The following SARS1 variants were observed in gnomAD, a reference collection of about 807,000 sequenced individuals.
SARS1 encodes the protein seryl-tRNA synthetase 1, also known as serine--tRNA ligase, cytoplasmic.
Under a neutral mutation model 63.7 loss-of-function variants are expected in SARS1, and 25 were observed. That is an observed-to-expected ratio of 0.39 (90% CI 0.29 to 0.55). The LOEUF is 0.55. Ranked by LOEUF, SARS1 falls within the 20% of genes least tolerant of loss-of-function variation. The pLI, the probability that SARS1 is intolerant of heterozygous loss-of-function variation, is 0.62. For synonymous variants in SARS1, 231 were observed against 243.5 expected (o/e 0.95, Z 0.48); for missense variants, 417 against 649.7 (o/e 0.64, Z 3.89).
At position 109,235,103 on chromosome 1, in the gene SARS1, A is replaced by T; in HGVS notation, c.748-107A>T. On this transcript the variant is annotated intron_variant, in intron 6 of 10. Coordinates refer to ENST00000234677, the MANE Select transcript of SARS1 (RefSeq NM_006513.4). This position sits in a 1 kb window ranked among gnomAD's most constrained non-coding sequence, Gnocchi z 4.7. The stretch of plus-strand genomic sequence containing the variant: ...CTCTCCCCACTCCCAGGCAGGGATT[A>T]AAGGAAATTTTTCCTGCACTATTAT... 1.1e-6 allele frequency: 1 copy of T among 882,248 alleles called. No homozygotes were observed. Among genetic ancestry groups the T allele is most frequent in the Non-Finnish European group, 1.9e-6 (1 of 537,860 alleles). The allele number at this position is 882,248 out of a possible 1,614,324, so 54.7% of individuals were successfully genotyped here. A position where few individuals can be genotyped will look rare whatever the true frequency, so the allele number is the denominator to read the frequency against.
At chr1:109,236,757 A>T in intron 9 of SARS1, 1 of 1,554,926 alleles carries the variant, frequency 6.4e-7, no homozygotes. Flanking sequence ...CTCTTCTATA[A>T]GGTAATTCTA....
Position 109,213,936 on chromosome 1 carries a change from G to C in SARS1, c.-57G>C. 1 of 1,545,274 alleles carries C rather than the reference G, an allele frequency of 6.5e-7. No homozygotes were observed. The highest frequency in any genetic ancestry group is 1.9e-5 in the Admixed American group (1 of 53,100). On this transcript the variant is annotated 5_prime_UTR_variant, in exon 1 of 11. Transcript: ENST00000234677. ...CGCCGGCGCAGTGCGGCGGTCACAG[G>C]CTGAGTGCTGCGGCGCGATCCTTGC... is the stretch of plus-strand genomic sequence containing the variant.
intron 2 of SARS1, among the ~76,000 whole-genome samples, chr1:109,224,551 C>G (rs1193605898): frequency 6.6e-6 from 1 of 151,708 alleles, no homozygotes; most frequent in Non-Finnish European, 1.5e-5. Flanking sequence ...AAACGCCAAG[C>G]AATGGTTATG....
At chr1:109,234,212 C>A (rs1346860643) in intron 6 of SARS1, among the ~76,000 whole-genome samples, 1 of 151,416 alleles carries the variant, frequency 6.6e-6, no homozygotes, top group African/African-American at 2.4e-5. Flanking sequence ...TTAGTAGAGA[C>A]GGGGTTTCAC....
chr1:109,226,096 A>AG (rs1655060625), intron 2 of SARS1, among the ~76,000 whole-genome samples: 2 of 150,228 alleles, frequency 1.3e-5, no homozygotes, highest in South Asian at 4.2e-4. Flanking sequence ...GGGCTCAAGC[A>AG]GCCCTCCTGC....
intron 1 of SARS1, chr1:109,215,454 T>G: frequency 2.0e-6 from 2 of 985,346 alleles, no homozygotes; most frequent in Non-Finnish European, 2.4e-6. Context: ...GGTGGTGAGT[T>G]CTTCAGGGAC....
rs1655340326 is a variant in SARS1 at position 109,237,570 on chromosome 1, T to C, written c.1388-161T>C. ...TGCAGGTATGATGTTGAAATGCTGC[T>C]AAAATTCAGACTAGGGAAGAAAAGA... On this transcript the variant is annotated intron_variant, in intron 10 of 10. Coordinates refer to ENST00000234677, the MANE Select transcript of SARS1 (RefSeq NM_006513.4). This position sits in a 1 kb window ranked among gnomAD's most constrained non-coding sequence, Gnocchi z 4.1. 6.6e-6 allele frequency among the ~76,000 whole-genome samples: 1 copy of C among 152,186 alleles called. No individual in the cohort carries two copies. Among genetic ancestry groups the C allele is most frequent in the Non-Finnish European group, 1.5e-5 (1 of 68,042 alleles).
chr1:109,215,757 G>A (rs1557713171), intron 1 of SARS1: 2 of 681,144 alleles, frequency 2.9e-6, no homozygotes, highest in Non-Finnish European at 3.6e-6. Context: ...CCAGATTGGA[G>A]TGCAGTGGCA....
At chr1:109,215,521 C>T (rs1654762195) in intron 1 of SARS1, 13 of 985,244 alleles carry the variant, frequency 1.3e-5, no homozygotes, top group Non-Finnish European at 1.6e-5. Context: ...CACATTTATA[C>T]ATAAAATCCC....
At chr1:109,232,485 A>G (rs574877515) in intron 6 of SARS1, among the ~76,000 whole-genome samples, 1 of 152,296 alleles carries the variant, frequency 6.6e-6, no homozygotes, top group East Asian at 1.9e-4. Flanking sequence ...CTTAGTTCCT[A>G]CTGGCTTATT....
rs370690317 is a variant in SARS1 at position 109,214,658 on chromosome 1, C to G, written c.136+530C>G. On this transcript the variant is annotated intron_variant, in intron 1 of 10. Transcript: ENST00000234677. The surrounding 1 kb of genome is among the most constrained non-coding windows in gnomAD (Gnocchi z 4.6). Reference sequence around the variant, plus strand: ...GGCCGCTCTTGGCCAAAATAAATGACCCTGAAGCTTTTCGGAAGGCCATCC... The same window carrying G: ...GGCCGCTCTTGGCCAAAATAAATGAGCCTGAAGCTTTTCGGAAGGCCATCC... 2.0e-6 allele frequency: 2 copies of G among 985,658 alleles called. No individual in the cohort carries two copies. The highest frequency in any genetic ancestry group is 2.4e-6 in the Non-Finnish European group (2 of 830,072). The allele number at this position is 985,658 out of a possible 1,614,324, so 61.1% of individuals were successfully genotyped here.
chr1:109,232,060 A>C (rs1450257510), intron 6 of SARS1, among the ~76,000 whole-genome samples: 1 of 152,194 alleles, frequency 6.6e-6, no homozygotes, highest in African/African-American at 2.4e-5. Flanking sequence ...TGTATGATGT[A>C]TCTAAATCAA....
At chr1:109,222,178 A>C (rs983490329) in intron 1 of SARS1, among the ~76,000 whole-genome samples, 1 of 150,098 alleles carries the variant, frequency 6.7e-6, no homozygotes, top group African/African-American at 2.5e-5. Flanking sequence ...TTTCTTTTAT[A>C]CTCCCAATAC....
chr1:109,215,593 A>G (rs1467207152), intron 1 of SARS1: 3 of 984,424 alleles, frequency 3.0e-6, no homozygotes, highest in Admixed American at 1.2e-4. Flanking sequence ...AGAGGCGTGA[A>G]TATTTTCTGT....
chr1:109,235,464 T>C lies in SARS1; in HGVS notation c.969+33T>C. On this transcript the variant is annotated intron_variant, in intron 7 of 10. Transcript: ENST00000234677. This position sits in a 1 kb window ranked among gnomAD's most constrained non-coding sequence, Gnocchi z 4.7. ...GATGGGTCAGGGTAAGGAGTGGAACTTTCTCTGTCTCCAGAATGGTTAGAT... is the reference window on the plus strand; with the variant it reads ...GATGGGTCAGGGTAAGGAGTGGAACCTTCTCTGTCTCCAGAATGGTTAGAT... The C allele has an allele frequency of 5.2e-6, 8 of 1,536,612 alleles. No homozygotes were observed. The highest frequency in any genetic ancestry group is 7.1e-6 in the Non-Finnish European group (8 of 1,119,016).
In SARS1 at chr1:109,231,006, A is replaced by T. The variant is rs1655198558; in HGVS notation, c.576A>T (p.Arg192=). ...AGGGGGCCGTGGTGGCTGGGAGTCG[A>T]GGGTACTTCTTGAAGGTAAGAGCTG... The part of the protein sequence containing the change: ...GEKGAVVAGS[R]GYFLKGVLVF... Residue 192 remains arginine (R), a synonymous_variant, in exon 5 of 11, where the codon CGA becomes CGT. Transcript: ENST00000234677. 3 of 1,516,020 alleles carry T rather than the reference A, an allele frequency of 2.0e-6. No homozygotes were observed. The highest frequency in any genetic ancestry group is 1.8e-6 in the Non-Finnish European group (2 of 1,133,520). 93.9% of individuals were successfully genotyped at this position (1,516,020 alleles called of 1,614,324 possible).
chr1:109,218,988 C>T (rs1019317794), intron 1 of SARS1, among the ~76,000 whole-genome samples: 10 of 151,716 alleles, frequency 6.6e-5, no homozygotes, highest in South Asian at 4.2e-4. Flanking sequence ...ACATTTAGGC[C>T]GGGCGTGGTG....
intron 8 of SARS1, 109 bp from the exon 9 acceptor site, chr1:109,236,282 T>G (rs542584250): frequency 1.5e-6 from 2 of 1,341,254 alleles, no homozygotes; most frequent in South Asian, 2.8e-5. Flanking sequence ...TGGGTGTGAT[T>G]TCACCTCTGG....
intron 1 of SARS1, chr1:109,215,109 G>C (rs1173370779): frequency 2.0e-6 from 2 of 985,278 alleles, no homozygotes; most frequent in Admixed American, 6.1e-5. Flanking sequence ...ATTTTCTCCT[G>C]TTTATAAGGA....
Sources: allele counts gnomAD v4.1 joint callset (sites outside exome capture counted in the v4.1 genomes callset), GRCh38; gene constraint gnomAD v4.1.1; non-coding constraint Gnocchi (gnomAD v3.1); transcripts MANE v1.5; gene names NCBI Gene and HGNC (gene_info 2026-07-23, HGNC 2026-07-21).